TXNDC11: variants seen among roughly 807,000 people sequenced by gnomAD.
TXNDC11 encodes the protein thioredoxin domain-containing protein 11.
A neutral mutation model predicts 78.0 loss-of-function variants in TXNDC11; 68 were observed. The ratio of observed to expected loss-of-function variants is 0.87; its 90% confidence interval spans 0.72 to 1.07. The LOEUF (loss-of-function observed/expected upper bound fraction) is 1.07, where lower values mean the gene tolerates loss of function less well. Ranked by LOEUF, TXNDC11 falls within the 50% of genes least tolerant of loss-of-function variation. The probability of loss-of-function intolerance (pLI) is 0.00; values close to 1 mark genes in which losing one functional copy is unlikely to be tolerated. For missense variants in TXNDC11, 1,389 were observed against 1,221.8 expected (o/e 1.14, Z -2.04); for synonymous variants, 571 against 495.2 (o/e 1.15, Z -2.03).
At chr16:11,693,338 G>A (rs1422383309) in intron 7 of TXNDC11, among the ~76,000 whole-genome samples, 1 of 152,146 alleles carries the variant, frequency 6.6e-6, no homozygotes, top group Non-Finnish European at 1.5e-5. Flanking sequence ...GGTTTCCTGA[G>A]AAAGACATGT....
chr16:11,688,303 C>A lies in TXNDC11; in HGVS notation c.2043G>T (p.Gln681His). 6.2e-7 allele frequency: 1 copy of A among 1,613,204 alleles called. No individual in the cohort carries two copies. Among genetic ancestry groups the A allele is most frequent in the Non-Finnish European group, 8.5e-7 (1 of 1,179,712 alleles). Residue 681 changes from glutamine (Q) to histidine (H), a missense_variant and splice_region_variant, in exon 9 of 12, where the codon CAG (glutamine) becomes CAT (histidine). Transcript: ENST00000283033. ...DTFWEVVLQK[Q>H]DVLLLYYAPW... ...ACTTTTGCCTCTCATGACTCCATAC[C>A]TGTTTTTGAAGGACTACTTCCCAAA...
chr16:11,711,242 G>A (rs1197463715), intron 5 of TXNDC11, among the ~76,000 whole-genome samples: 1 of 152,198 alleles, frequency 6.6e-6, no homozygotes, highest in African/African-American at 2.4e-5. Flanking sequence ...TGGAGTGAGT[G>A]AGCTCTGCAC....
At chr16:11,741,154 G>C (rs944666761) in intron 1 of TXNDC11, among the ~76,000 whole-genome samples, 15 of 152,168 alleles carry the variant, frequency 9.9e-5, no homozygotes, top group African/African-American at 3.6e-4. Flanking sequence ...CTCACTGAGA[G>C]TTATTATAAT....
chr16:11,719,262 G>A (rs2051633373), intron 5 of TXNDC11, among the ~76,000 whole-genome samples: 1 of 152,176 alleles, frequency 6.6e-6, no homozygotes, highest in African/African-American at 2.4e-5. Flanking sequence ...TCTGTCTTCT[G>A]TGAAGGGCTT....
intron 6 of TXNDC11, among the ~76,000 whole-genome samples, chr16:11,699,622 G>A (rs1000822565): frequency 2.0e-5 from 3 of 152,260 alleles, no homozygotes; most frequent in African/African-American, 7.2e-5. Flanking sequence ...GAGATATGCA[G>A]AAGCCAGGGC....
chr16:11,687,286 G>C (rs1168272931), intron 10 of TXNDC11, among the ~76,000 whole-genome samples: 2 of 151,962 alleles, frequency 1.3e-5, no homozygotes, highest in Non-Finnish European at 2.9e-5. Flanking sequence ...GGGGAGGTGG[G>C]GGGTTAAATG....
At chr16:11,683,043 G>A (rs1014605572) in intron 11 of TXNDC11, among the ~76,000 whole-genome samples, 1 of 152,180 alleles carries the variant, frequency 6.6e-6, no homozygotes, top group Non-Finnish European at 1.5e-5. Context: ...CCCCTGGAGA[G>A]AAGATACTGT....
intron 8 of TXNDC11, 124 bp from the exon 9 acceptor site, chr16:11,688,569 C>T (rs775629029): frequency 6.5e-5 from 55 of 846,136 alleles, no homozygotes; most frequent in Non-Finnish European, 9.4e-5. Flanking sequence ...TAACATTTCA[C>T]CTATCAGCAA....
At chr16:11,738,937 G>T (rs1597506246) in intron 1 of TXNDC11, among the ~76,000 whole-genome samples, 1 of 152,140 alleles carries the variant, frequency 6.6e-6, no homozygotes, top group South Asian at 2.1e-4. Context: ...TGAGGCAGGA[G>T]AATCGCTTGA....
intron 4 of TXNDC11, among the ~76,000 whole-genome samples, chr16:11,723,617 A>G (rs1195357433): frequency 6.6e-6 from 1 of 152,098 alleles, no homozygotes; most frequent in African/African-American, 2.4e-5. Context: ...AAAACCCACA[A>G]AACTATGAAC....
At chr16:11,685,257 G>T (rs1464911454) in intron 10 of TXNDC11, among the ~76,000 whole-genome samples, 1 of 152,172 alleles carries the variant, frequency 6.6e-6, no homozygotes, top group African/African-American at 2.4e-5. Context: ...TTGGGAAGGT[G>T]GGAGAATCAC....
At position 11,698,320 on chromosome 16, in the gene TXNDC11, G is replaced by T; in HGVS notation, c.912C>A (p.Phe304Leu). The T allele has an allele frequency of 6.2e-7, 1 of 1,613,070 alleles. No homozygotes were observed. The highest frequency in any genetic ancestry group is 8.5e-7 in the Non-Finnish European group (1 of 1,179,960). Residue 304 changes from phenylalanine (F) to leucine (L), a missense_variant, in exon 7 of 12, where the codon TTC becomes TTA. Physicochemically the swap from Phe to Leu is conservative, Grantham distance 22. Transcript: ENST00000283033. ...CTGTGTAGTTCAGGACCTCCCTGGGGAAGACCTGTGAAGGACAAAGGCACA... is the reference window on the plus strand; with the variant it reads ...CTGTGTAGTTCAGGACCTCCCTGGGTAAGACCTGTGAAGGACAAAGGCACA... ...LHRHFNTSLVFPREVLNYTAE... is the reference protein window; with the variant it reads ...LHRHFNTSLVLPREVLNYTAE...
At chr16:11,684,437 G>A (rs914183347) in intron 10 of TXNDC11, among the ~76,000 whole-genome samples, 192 bp from the exon 11 acceptor site, 2 of 152,110 alleles carry the variant, frequency 1.3e-5, no homozygotes, top group African/African-American at 2.4e-5. Flanking sequence ...ATTCTACTAC[G>A]TGGACGCTTT....
At chr16:11,685,379 C>T (rs899200617) in intron 10 of TXNDC11, among the ~76,000 whole-genome samples, 1 of 151,292 alleles carries the variant, frequency 6.6e-6, no homozygotes, top group African/African-American at 2.4e-5. Context: ...GGCGTGGTGG[C>T]TCACGTCTGT....
intron 4 of TXNDC11, among the ~76,000 whole-genome samples, chr16:11,726,025 G>C (rs1419844961): frequency 6.6e-6 from 1 of 152,062 alleles, no homozygotes; most frequent in African/African-American, 2.4e-5. Context: ...CTACAGGCAT[G>C]TGCCACCATG....
intron 1 of TXNDC11, among the ~76,000 whole-genome samples, chr16:11,738,928 G>A (rs1351463564): frequency 6.6e-6 from 1 of 152,140 alleles, no homozygotes; most frequent in Non-Finnish European, 1.5e-5. Context: ...TTGGGAGGCT[G>A]AGGCAGGAGA....
chr16:11,684,336 G>T, intron 10 of TXNDC11, 91 bp from the exon 11 acceptor site: 1 of 955,366 alleles, frequency 1.0e-6, no homozygotes, highest in Non-Finnish European at 1.6e-6. Context: ...AGAACCTGGT[G>T]CATTTTTTAC....
At chr16:11,696,895 C>T (rs996383970) in intron 7 of TXNDC11, among the ~76,000 whole-genome samples, 23 of 152,122 alleles carry the variant, frequency 1.5e-4, no homozygotes, top group Non-Finnish European at 3.2e-4. Context: ...CCTGACACAC[C>T]CAAACCAGAC....
At chr16:11,691,216 G>C in intron 8 of TXNDC11, 74 bp downstream of exon 8, 1 of 1,247,430 alleles carries the variant, frequency 8.0e-7, no homozygotes, top group Non-Finnish European at 1.1e-6. Context: ...TGTAATGAGA[G>C]CCATCAATAA....
Sources: allele counts gnomAD v4.1 joint callset (sites outside exome capture counted in the v4.1 genomes callset), GRCh38; gene constraint gnomAD v4.1.1; transcripts MANE v1.5; gene names NCBI Gene and HGNC (gene_info 2026-07-23, HGNC 2026-07-21).